STX2: variants seen among roughly 807,000 people sequenced by gnomAD.
STX2 encodes the protein syntaxin 2.
Under a neutral mutation model 40.6 loss-of-function variants are expected in STX2, and 27 were observed. The ratio of observed to expected loss-of-function variants is 0.66; its 90% CI spans 0.49 to 0.92. The LOEUF (loss-of-function observed/expected upper bound fraction) is 0.92. Ranked by LOEUF, STX2 falls within the 40% of genes least tolerant of loss-of-function variation. STX2 has a pLI of 0.00. For missense variants in STX2, 328 were observed against 366.1 expected (o/e 0.90, Z 0.85); for synonymous variants, 123 against 119.1 (o/e 1.03, Z -0.22).
rs114387684 is a variant in STX2 at position 130,799,225 on chromosome 12, C to T, written c.676-590G>A. Among the ~76,000 whole-genome samples the T allele has an allele frequency of 4.8e-3, 737 of 152,276 alleles. 4 individuals carry two copies. The highest frequency in any genetic ancestry group is 0.016 in the African/African-American group (653 of 41,556). ...TGAATCGTAAAGCATTGAAGAATGA[C>T]GGAGAGTTAACTCACTCAGTCACAA... is the stretch of plus-strand genomic sequence containing the variant. On this transcript the variant is annotated intron_variant, in intron 8 of 10. Coordinates refer to ENST00000392373, the MANE Select transcript of STX2 (RefSeq NM_194356.4).
chr12:130,793,092 C>A (rs574364980), intron 10 of STX2, among the ~76,000 whole-genome samples: 17 of 152,116 alleles, frequency 1.1e-4, no homozygotes, highest in Non-Finnish European at 2.4e-4. Context: ...CCTAAGAAAT[C>A]CTGTTTGCTG....
Position 130,827,185 on chromosome 12 carries a change from G to C in STX2, c.105+8C>G. On this transcript the variant is annotated splice_region_variant and intron_variant, in intron 2 of 10. Coordinates refer to ENST00000392373, the MANE Select transcript of STX2 (RefSeq NM_194356.4). The stretch of plus-strand genomic sequence containing the variant: ...AGGCTATGATTGGGTTTCATTAAAC[G>C]CTCTTACCTGATGGAAGAAATCATC... The C allele has an allele frequency of 6.2e-7, 1 of 1,611,702 alleles. No individual in the cohort carries two copies. Among genetic ancestry groups the C allele is most frequent in the South Asian group, 1.1e-5 (1 of 91,004 alleles).
chr12:130,798,956 A>G (rs1951124768), intron 8 of STX2, among the ~76,000 whole-genome samples: 1 of 152,264 alleles, frequency 6.6e-6, no homozygotes, highest in Admixed American at 6.5e-5. Context: ...GAAGGGAGGC[A>G]GCCAGCTTTT....
At chr12:130,829,256 C>A (rs1952461614) in intron 1 of STX2, among the ~76,000 whole-genome samples, 1 of 152,152 alleles carries the variant, frequency 6.6e-6, no homozygotes, top group Non-Finnish European at 1.5e-5. Context: ...CCATGTTGAC[C>A]CTCTTAAAAA....
At chr12:130,836,027 A>G (rs1952747047) in intron 1 of STX2, among the ~76,000 whole-genome samples, 1 of 147,980 alleles carries the variant, frequency 6.8e-6, no homozygotes, top group African/African-American at 2.7e-5. Flanking sequence ...TTGATGAGGC[A>G]TTTTAACCAA....
chr12:130,802,947 G>A (rs1181388031), intron 6 of STX2, among the ~76,000 whole-genome samples: 3 of 152,236 alleles, frequency 2.0e-5, no homozygotes, highest in African/African-American at 4.8e-5. Context: ...TCTTGGGCTA[G>A]GAGAGGAAAT....
chr12:130,813,131 A>G, intron 3 of STX2, 100 bp from the exon 4 acceptor site: 2 of 759,178 alleles, frequency 2.6e-6, no homozygotes. Context: ...TATCCTTAGT[A>G]AATATTCACT....
At chr12:130,799,453 C>G (rs189533464) in intron 8 of STX2, among the ~76,000 whole-genome samples, 1 of 152,316 alleles carries the variant, frequency 6.6e-6, no homozygotes, top group East Asian at 1.9e-4. Context: ...TTAGTAATTA[C>G]AGAAATCATC....
intron 3 of STX2, among the ~76,000 whole-genome samples, chr12:130,816,624 T>C (rs1440789050): frequency 1.3e-5 from 2 of 152,144 alleles, no homozygotes; most frequent in African/African-American, 2.4e-5. Context: ...GACACAATAC[T>C]CTTTCTAAAT....
At chr12:130,797,672 C>T (rs1171922996) in intron 9 of STX2, among the ~76,000 whole-genome samples, 3 of 152,234 alleles carry the variant, frequency 2.0e-5, no homozygotes, top group East Asian at 3.8e-4. Flanking sequence ...CCCATAATCT[C>T]TCCAGTGTCA....
intron 3 of STX2, among the ~76,000 whole-genome samples, chr12:130,815,484 G>C (rs1951825068): frequency 1.3e-5 from 2 of 152,236 alleles, no homozygotes; most frequent in Admixed American, 1.3e-4. Flanking sequence ...GCTCACTCAG[G>C]CAGGAGAAAA....
chr12:130,836,972 G>A (rs943015733), intron 1 of STX2, among the ~76,000 whole-genome samples: 1 of 152,166 alleles, frequency 6.6e-6, no homozygotes, highest in Non-Finnish European at 1.5e-5. Context: ...TATAGAAACT[G>A]AGTGACAAAT....
At chr12:130,818,218 A>ATATATATATATATATAT (rs1565924788) in intron 3 of STX2, among the ~76,000 whole-genome samples, 46 of 126,846 alleles carry the variant, frequency 3.6e-4, no homozygotes, top group African/African-American at 5.6e-4. Flanking sequence ...ATATATATAT[A>ATATATATATATATATAT]AAATTATCTG....
intron 8 of STX2, among the ~76,000 whole-genome samples, chr12:130,800,579 C>T (rs1249585111): frequency 6.6e-6 from 1 of 152,228 alleles, no homozygotes; most frequent in Non-Finnish European, 1.5e-5. Context: ...TAGATTGTAT[C>T]CCCACTTGGG....
intron 1 of STX2, among the ~76,000 whole-genome samples, chr12:130,831,292 T>G (rs369174597): frequency 1.7e-4 from 26 of 152,246 alleles, no homozygotes; most frequent in Non-Finnish European, 3.2e-4. Context: ...TTTAGTACTT[T>G]GTTGCTAGAA....
intron 1 of STX2, among the ~76,000 whole-genome samples, chr12:130,835,025 A>G (rs1158386798): frequency 6.6e-6 from 1 of 152,242 alleles, no homozygotes; most frequent in African/African-American, 2.4e-5. Context: ...ACGGTGGCTC[A>G]CGCCTGAAAT....
intron 10 of STX2, among the ~76,000 whole-genome samples, chr12:130,794,749 A>G (rs983751034): frequency 6.6e-6 from 1 of 152,110 alleles, no homozygotes; most frequent in African/African-American, 2.4e-5. Flanking sequence ...CAATAGTGAG[A>G]CTTAACCATG....
chr12:130,827,154 G>A, intron 2 of STX2, 39 bp downstream of exon 2: 1 of 1,493,832 alleles, frequency 6.7e-7, no homozygotes, highest in Non-Finnish European at 9.3e-7. Flanking sequence ...GGGAGGACAG[G>A]TAGGCAGGCT....
rs1220205723 is a variant in STX2, at chr12:130,839,228, G to A, written c.-129C>T. 2 of 817,240 alleles carry A rather than the reference G, an allele frequency of 2.4e-6. No homozygotes were observed. The highest frequency in any genetic ancestry group is 8.9e-5 in the East Asian group (1 of 11,178). The allele number at this position is 817,240 out of a possible 1,614,324, so 50.6% of individuals were successfully genotyped here. ...CCCGGCGCCAGCAGCCCTCCCTGGA[G>A]CCGGCGCTGCCACGGCAACCGCGCC... On this transcript the variant is annotated 5_prime_UTR_variant, in exon 1 of 11. Transcript: ENST00000392373.
Sources: gnomAD v4.1 joint callset for allele counts (sites outside exome capture counted in the v4.1 genomes callset) on GRCh38, gnomAD v4.1.1 for gene constraint, MANE v1.5 for transcripts, NCBI Gene and HGNC (gene_info 2026-07-23, HGNC 2026-07-21) for gene names.